The following AVEN variants were observed in gnomAD, a reference collection of about 807,000 sequenced individuals.
AVEN encodes apoptosis and caspase activation inhibitor, also known as cell death regulator Aven.
Under a neutral mutation model 38.1 loss-of-function variants are expected in AVEN, and 41 were observed. That is an observed-to-expected ratio of 1.08 (90% CI 0.84 to 1.40). The LOEUF (loss-of-function observed/expected upper bound fraction) is 1.40. AVEN is among the 40% of genes most tolerant of loss of function. The pLI is 0.00. For synonymous variants in AVEN, 206 were observed against 171.8 expected, an observed-to-expected ratio of 1.20 and a Z score of -1.56; for missense variants, 605 against 438.8, an observed-to-expected ratio of 1.38 and a Z score of -3.38.
intron 2 of AVEN, among the ~76,000 whole-genome samples, chr15:33,968,200 C>CCAT (rs1037211597): frequency 1.3e-5 from 2 of 150,936 alleles, no homozygotes; most frequent in Non-Finnish European, 3.0e-5. Flanking sequence ...CCAGCTACCT[C>CCAT]CATGCTAAGC....
At chr15:33,925,813 A>T (rs1893586163) in intron 2 of AVEN, among the ~76,000 whole-genome samples, 1 of 152,206 alleles carries the variant, frequency 6.6e-6, no homozygotes. Flanking sequence ...TTTTATAATT[A>T]TATTTTATTT....
chr15:33,889,317 A>AGTTTT (rs1891836911), intron 2 of AVEN, among the ~76,000 whole-genome samples: 1 of 152,168 alleles, frequency 6.6e-6, no homozygotes, highest in African/African-American at 2.4e-5. Flanking sequence ...AGTATAACAA[A>AGTTTT]ACCTTTTCCC....
In AVEN at chr15:34,038,859, C is replaced by A. The variant is rs1597379640; in HGVS notation, c.188G>T (p.Arg63Leu). ...GGCGCCTCCTCCTCCTCGGCCTCCG[C>A]GAGCGCCGCGGAAGCCCCGGCCACG... ...RGRGRGFRGA[R>L]GGRGGGGAPR... The change falls in exon 1 of 6, where the codon CGC becomes CTC. Residue 63 changes from arginine (R) to leucine (L), a missense_variant. Arg to Leu is a moderately radical substitution (Grantham distance 102). Transcript: ENST00000306730. 9.5e-6 allele frequency: 11 copies of A among 1,157,248 alleles called. No homozygotes were observed. The East Asian group carries it at 4.7e-4, about 50-fold the overall frequency. The allele number at this position is 1,157,248 out of a possible 1,614,324, so 71.7% of individuals were successfully genotyped here. A position where few individuals can be genotyped will look rare whatever the true frequency, so the allele number is the denominator to read the frequency against.
chr15:33,983,205 T>TAC, intron 2 of AVEN, among the ~76,000 whole-genome samples: 1 of 26,024 alleles, frequency 3.8e-5, no homozygotes, highest in African/African-American at 1.9e-4. Context: ...TGTGTGTATA[T>TAC]ATATATATAC....
At chr15:33,995,263 C>T (rs964497635) in intron 2 of AVEN, among the ~76,000 whole-genome samples, 6 of 151,546 alleles carry the variant, frequency 4.0e-5, no homozygotes, top group African/African-American at 1.5e-4. Flanking sequence ...AACCCTGTCT[C>T]TCTAAAAATA....
intron 2 of AVEN, among the ~76,000 whole-genome samples, chr15:34,067,876 T>C (rs1483359826): frequency 1.3e-5 from 2 of 152,194 alleles, no homozygotes; most frequent in Non-Finnish European, 2.9e-5. Flanking sequence ...ATCATTTTAC[T>C]GGTAAAGTTC....
chr15:34,069,897 G>T (rs192196707), intron 2 of AVEN, among the ~76,000 whole-genome samples: 2 of 152,040 alleles, frequency 1.3e-5, no homozygotes, highest in African/African-American at 4.8e-5. Context: ...ACATCAAAAC[G>T]ATATGAGAAG....
At chr15:33,959,882 T>A (rs990148769) in intron 2 of AVEN, among the ~76,000 whole-genome samples, 1 of 152,038 alleles carries the variant, frequency 6.6e-6, no homozygotes, top group Admixed American at 6.6e-5. Context: ...GAGACACATA[T>A]GCAAAAAAAT....
intron 2 of AVEN, among the ~76,000 whole-genome samples, chr15:33,942,378 C>T (rs572343068): frequency 9.8e-5 from 15 of 152,286 alleles, no homozygotes; most frequent in African/African-American, 3.4e-4. Context: ...GTCTACTCAA[C>T]AACCGTGGTA....
chr15:34,017,428 A>AT (rs1415786375), intron 1 of AVEN, among the ~76,000 whole-genome samples: 3 of 150,350 alleles, frequency 2.0e-5, no homozygotes, highest in Non-Finnish European at 2.9e-5. Context: ...ATAACTACCC[A>AT]TTCTCGTAAG....
intron 2 of AVEN, among the ~76,000 whole-genome samples, chr15:33,947,581 A>G (rs1304490678): frequency 1.3e-5 from 2 of 152,222 alleles, no homozygotes; most frequent in Non-Finnish European, 2.9e-5. Context: ...AAAATGGTGA[A>G]GTATTTGGAT....
chr15:33,857,921 GCCCA>G, downstream of AVEN: 2 of 1,380,622 alleles, frequency 1.4e-6, no homozygotes, highest in African/African-American at 3.6e-5. Context: ...GACGGTGAGA[GCCCA>G]CCCACTGCGG....
At chr15:33,946,847 G>A (rs1477603135) in intron 2 of AVEN, among the ~76,000 whole-genome samples, 2 of 152,136 alleles carry the variant, frequency 1.3e-5, no homozygotes, top group African/African-American at 2.4e-5. Context: ...GATGTAGTGC[G>A]GGCTCGGTCA....
intron 2 of AVEN, among the ~76,000 whole-genome samples, chr15:33,896,921 T>A (rs1379080354): frequency 1.3e-5 from 2 of 152,202 alleles, no homozygotes; most frequent in Non-Finnish European, 2.9e-5. Context: ...CATTAATCCA[T>A]CTGCAGGACA....
At chr15:33,956,215 C>G (rs1414948272) in intron 2 of AVEN, among the ~76,000 whole-genome samples, 3 of 152,236 alleles carry the variant, frequency 2.0e-5, no homozygotes, top group African/African-American at 7.2e-5. Flanking sequence ...ACACGCCTGC[C>G]CCTACATTAG....
At chr15:33,877,239 T>C (rs1446714084) in intron 2 of AVEN, among the ~76,000 whole-genome samples, 1 of 152,292 alleles carries the variant, frequency 6.6e-6, no homozygotes, top group Non-Finnish European at 1.5e-5. Flanking sequence ...AATCTTCTCA[T>C]CTAAATAACT....
At chr15:33,893,834 A>C (rs1892092862) in intron 2 of AVEN, among the ~76,000 whole-genome samples, 2 of 152,220 alleles carry the variant, frequency 1.3e-5, no homozygotes, top group African/African-American at 4.8e-5. Flanking sequence ...AAATCAAAGA[A>C]GCAGTTGGAA....
downstream of AVEN, chr15:33,866,141 T>C (rs1216728033): frequency 5.9e-6 from 1 of 168,310 alleles, no homozygotes; most frequent in African/African-American, 2.4e-5. Context: ...CCACTTCTGG[T>C]TGATTCTACA....
chr15:34,028,782 T>G (rs570779241), intron 1 of AVEN, among the ~76,000 whole-genome samples: 1 of 151,868 alleles, frequency 6.6e-6, no homozygotes, highest in Non-Finnish European at 1.5e-5. Flanking sequence ...AACTAGCACA[T>G]GGGGGGTGAG....
Sources: allele counts gnomAD v4.1 joint callset (sites outside exome capture counted in the v4.1 genomes callset), GRCh38; gene constraint gnomAD v4.1.1; transcripts MANE v1.5; gene names NCBI Gene and HGNC (gene_info 2026-07-23, HGNC 2026-07-21).